The following FAM193A variants were observed in gnomAD, a reference collection of about 807,000 sequenced individuals.
FAM193A encodes the protein protein FAM193A.
In FAM193A, 22 loss-of-function variants were observed where a neutral mutation model predicts 126.5. The observed-to-expected ratio is 0.17, with a 90% CI of 0.12 to 0.25. FAM193A has a LOEUF of 0.25. Among genes scored for constraint, FAM193A ranks in the 10% least tolerant of loss-of-function variants. The probability of loss-of-function intolerance (pLI) is 1.00; values close to 1 mark genes in which losing one functional copy is unlikely to be tolerated. For synonymous variants in FAM193A, 761 were observed against 646.8 expected, an observed-to-expected ratio of 1.18 and a Z score of -2.68; for missense variants, 1,675 against 1,672.8, an observed-to-expected ratio of 1.00 and a Z score of -0.02.
chr4:2,547,310 T>C (rs191714903), intron 1 of FAM193A, among the ~76,000 whole-genome samples: 251 of 152,216 alleles, frequency 1.6e-3, no homozygotes, highest in African/African-American at 5.8e-3. Flanking sequence ...AGAGACTTGC[T>C]TGAACCTGGG....
At chr4:2,712,198 G>T (rs750748440) in intron 19 of FAM193A, among the ~76,000 whole-genome samples, 1 of 151,954 alleles carries the variant, frequency 6.6e-6, no homozygotes, top group Non-Finnish European at 1.5e-5. Flanking sequence ...GTGTGTGTGT[G>T]TATATATATG....
chr4:2,661,086 C>T (rs1202609968), intron 10 of FAM193A, among the ~76,000 whole-genome samples: 2 of 152,138 alleles, frequency 1.3e-5, no homozygotes, highest in African/African-American at 2.4e-5. Flanking sequence ...GTCACAGCTG[C>T]TGATGTCAGT....
At chr4:2,676,210 A>G (rs368051523) in intron 13 of FAM193A, among the ~76,000 whole-genome samples, 3 of 152,346 alleles carry the variant, frequency 2.0e-5, no homozygotes, top group African/African-American at 7.2e-5. Context: ...CGTTTCCTAC[A>G]GTGGCTGCAC....
intron 2 of FAM193A, among the ~76,000 whole-genome samples, chr4:2,613,280 T>C (rs1741985343): frequency 6.6e-6 from 1 of 151,892 alleles, no homozygotes; most frequent in African/African-American, 2.4e-5. Context: ...TTACAAAAAA[T>C]AAATACATTT....
At chr4:2,705,990 G>T (rs958180177) in intron 19 of FAM193A, among the ~76,000 whole-genome samples, 1 of 152,062 alleles carries the variant, frequency 6.6e-6, no homozygotes, top group Non-Finnish European at 1.5e-5. Context: ...AGGATCATTC[G>T]AGCCCAGGAG....
chr4:2,550,016 C>T (rs1045627294), intron 1 of FAM193A, among the ~76,000 whole-genome samples: 39 of 145,800 alleles, frequency 2.7e-4, no homozygotes, highest in African/African-American at 6.5e-4. Context: ...CATGAGCCAC[C>T]GCACCTGGCT....
chr4:2,655,001 A>C lies in FAM193A; in HGVS notation c.1312-2802A>C, dbSNP rs1711520996. ...GAAATCACGGTATCTTCTACAAATA[A>C]TGATAGGTTTATCTCATCTTTTCCA... On this transcript the variant is annotated intron_variant, in intron 7 of 20. Coordinates refer to ENST00000637812, the MANE Select transcript of FAM193A (RefSeq NM_001366318.2). The C allele has an allele frequency of 1.4e-4, 86 of 611,958 alleles. 8 individuals carry two copies. In the South Asian group the frequency reaches 1.6e-3, roughly 11 times the overall value. 37.9% of individuals were successfully genotyped at this position (611,958 alleles called of 1,614,324 possible).
chr4:2,649,367 C>G (rs889375155), intron 7 of FAM193A, among the ~76,000 whole-genome samples: 1 of 142,214 alleles, frequency 7.0e-6, no homozygotes, highest in African/African-American at 2.7e-5. Context: ...AGAGTGAGAC[C>G]CTGTCTGAAA....
chr4:2,642,714 G>GC (rs1744759625), intron 6 of FAM193A, among the ~76,000 whole-genome samples: 1 of 151,326 alleles, frequency 6.6e-6, no homozygotes, highest in South Asian at 2.1e-4. Flanking sequence ...AACCGGAAGT[G>GC]CATCATAAAA....
rs752774809 is a variant in FAM193A, at chr4:2,699,778, A to G, written c.3606A>G (p.Glu1202=). 5.6e-6 allele frequency: 9 copies of G among 1,613,738 alleles called. No homozygotes were observed. In the South Asian group the frequency reaches 8.8e-5, roughly 16 times the overall value. The change falls in exon 19 of 21, where the codon GAA becomes GAG. Residue 1202 remains glutamate (E), a synonymous_variant. Coordinates refer to ENST00000637812, the MANE Select transcript of FAM193A (RefSeq NM_001366318.2). ...QRRREEEEDE[E]EEEDRFKEEF... ...GGCGGGAGGAGGAGGAGGATGAGGA[A>G]GAAGAGGAGGATCGTTTCAAGGAGG...
intron 1 of FAM193A, among the ~76,000 whole-genome samples, chr4:2,572,165 C>CAA (rs66899515): frequency 5.5e-5 from 6 of 108,310 alleles, no homozygotes; most frequent in African/African-American, 1.0e-4. Context: ...CCTCTGTGTC[C>CAA]AAAAAAAAAA....
intron 1 of FAM193A, among the ~76,000 whole-genome samples, chr4:2,567,716 G>A (rs889438780): frequency 6.6e-6 from 1 of 152,194 alleles, no homozygotes; most frequent in African/African-American, 2.4e-5. Context: ...GTTACAGGGT[G>A]ATCTCAAAAG....
intron 6 of FAM193A, among the ~76,000 whole-genome samples, chr4:2,640,918 G>A (rs1438052223): frequency 6.6e-6 from 1 of 151,576 alleles, no homozygotes; most frequent in East Asian, 2.0e-4. Flanking sequence ...TGAGCCAAGA[G>A]TGCACCACTG....
chr4:2,677,660 G>A (rs1285078034), intron 13 of FAM193A, among the ~76,000 whole-genome samples: 1 of 150,928 alleles, frequency 6.6e-6, no homozygotes, highest in Non-Finnish European at 1.5e-5. Flanking sequence ...AGAATCACTT[G>A]AACCCGGGAG....
chr4:2,573,373 C>T (rs954347019), intron 1 of FAM193A, among the ~76,000 whole-genome samples: 47 of 151,964 alleles, frequency 3.1e-4, no homozygotes, highest in Non-Finnish European at 1.5e-4. Flanking sequence ...TCAGCCAGTG[C>T]GTGGTGACGG....
intron 6 of FAM193A, among the ~76,000 whole-genome samples, chr4:2,640,312 T>A (rs151021752): frequency 6.6e-6 from 1 of 152,174 alleles, no homozygotes. Flanking sequence ...TGTCTCCTGG[T>A]GTAGCGCATC....
At chr4:2,577,094 C>CT (rs1470164140) in intron 1 of FAM193A, among the ~76,000 whole-genome samples, 1 of 152,162 alleles carries the variant, frequency 6.6e-6, no homozygotes, top group African/African-American at 2.4e-5. Flanking sequence ...AACACCTGAA[C>CT]TTTTTTGAGA....
At chr4:2,559,405 A>T (rs749728215) in intron 1 of FAM193A, among the ~76,000 whole-genome samples, 3 of 152,266 alleles carry the variant, frequency 2.0e-5, no homozygotes, top group Non-Finnish European at 1.5e-5. Context: ...CAACTGAGAT[A>T]AAGAAACCAC....
At chr4:2,577,592 AATTTTTAGTGGAGGTGGAGTTTT>A (rs1209106801) in intron 1 of FAM193A, among the ~76,000 whole-genome samples, 1 of 151,118 alleles carries the variant, frequency 6.6e-6, no homozygotes, top group Non-Finnish European at 1.5e-5. Context: ...CTAATTTTTT[AATTTTTAGTGGAGGTGGAGTTTT>A]GCCGTGTTGG....
Sources: gnomAD v4.1 joint callset for allele counts (sites outside exome capture counted in the v4.1 genomes callset) on GRCh38, gnomAD v4.1.1 for gene constraint, MANE v1.5 for transcripts, NCBI Gene and HGNC (gene_info 2026-07-23, HGNC 2026-07-21) for gene names.